TEX2: variants seen among roughly 807,000 people sequenced by gnomAD.
TEX2 encodes testis expressed 2, also known as testis-expressed protein 2.
A neutral mutation model predicts 106.9 loss-of-function variants in TEX2; 53 were observed. That is an observed-to-expected ratio of 0.50 (90% CI 0.40 to 0.62). The LOEUF is 0.62. Ranked by LOEUF, TEX2 falls within the 20% of genes least tolerant of loss-of-function variation. TEX2 has a pLI of 0.00. For missense variants in TEX2, 1,207 were observed against 1,379.0 expected, an observed-to-expected ratio of 0.88 and a Z score of 1.98; for synonymous variants, 523 against 534.8, an observed-to-expected ratio of 0.98 and a Z score of 0.30.
intron 10 of TEX2, among the ~76,000 whole-genome samples, chr17:64,151,624 T>A (rs2030360491): frequency 6.6e-6 from 1 of 152,210 alleles, no homozygotes; most frequent in Admixed American, 6.5e-5. Context: ...GGAAATACAG[T>A]AAAAATGTCA....
In TEX2 at chr17:64,234,454, G is replaced by A. The variant is rs1233070527; in HGVS notation, c.-25-20212C>T. Among the ~76,000 whole-genome samples the A allele has an allele frequency of 2.0e-5, 3 of 152,058 alleles. No individual in the cohort carries two copies. The East Asian group carries it at 5.8e-4, about 29-fold the overall frequency. On this transcript the variant is annotated intron_variant, in intron 1 of 11. Coordinates refer to ENST00000584379, the MANE Select transcript of TEX2 (RefSeq NM_001288732.2). ...AGAGCACTGTCTGCCAAAGCAAAAC[G>A]CCAAAACAGGAGCAGAACTTTCTGG...
chr17:64,240,757 G>A lies in TEX2; in HGVS notation c.-26+22411C>T, dbSNP rs79825674. ...AGAGTCAGTTGCCTGGTCGATGAAG[G>A]GGAAAGCAAGGCAAGAGTAACAATA... On this transcript the variant is annotated intron_variant, in intron 1 of 11. Transcript: ENST00000584379. Among the ~76,000 whole-genome samples, 95 of 152,262 alleles carry A rather than the reference G, an allele frequency of 6.2e-4. No individual in the cohort carries two copies. In the East Asian group the frequency reaches 0.016, roughly 26 times the overall value.
chr17:64,150,808 G>C lies in TEX2; in HGVS notation c.3261+33C>G. On this transcript the variant is annotated intron_variant, in intron 11 of 11. Coordinates refer to ENST00000584379, the MANE Select transcript of TEX2 (RefSeq NM_001288732.2). ...GGCTAAACCCAGAGCTTCTATACTT[G>C]GTGTGAAATACTAGATAACACTAGA... 1.9e-6 allele frequency: 3 copies of C among 1,590,712 alleles called. 1 individual carries two copies. The highest frequency in any genetic ancestry group is 2.3e-5 in the South Asian group (2 of 86,186).
intron 7 of TEX2, among the ~76,000 whole-genome samples, chr17:64,166,233 C>T (rs1426516241): frequency 1.3e-5 from 2 of 152,248 alleles, no homozygotes; most frequent in African/African-American, 2.4e-5. Context: ...CTACGTGCCA[C>T]GTGCTCCGAG....
chr17:64,239,904 A>AG (rs1555635553), intron 1 of TEX2, among the ~76,000 whole-genome samples: 2,885 of 118,796 alleles, frequency 0.024, 215 homozygotes, highest in Non-Finnish European at 0.035. Context: ...AAAAAAAAAA[A>AG]GCAGAGAAGA....
intron 8 of TEX2, chr17:64,155,575 T>TACAC (rs556162654): frequency 1.3e-5 from 2 of 151,514 alleles, no homozygotes; most frequent in African/African-American, 4.9e-5. Context: ...AACAACCACA[T>TACAC]ACACACACAC....
chr17:64,220,412 A>T (rs2033324137), intron 1 of TEX2, among the ~76,000 whole-genome samples: 1 of 152,240 alleles, frequency 6.6e-6, no homozygotes, highest in African/African-American at 2.4e-5. Context: ...CATCAGAGTG[A>T]ACAGGCAACC....
chr17:64,257,277 T>G (rs1555637868), intron 1 of TEX2, among the ~76,000 whole-genome samples: 1 of 152,220 alleles, frequency 6.6e-6, no homozygotes. Flanking sequence ...GATTCTTCTC[T>G]CAATAGTCCC....
chr17:64,198,743 A>G (rs2032559956), intron 2 of TEX2, among the ~76,000 whole-genome samples: 1 of 146,474 alleles, frequency 6.8e-6, no homozygotes, highest in Non-Finnish European at 1.5e-5. Context: ...CATTACTGCG[A>G]CAAATCACCA....
chr17:64,223,175 G>A (rs1188963200), intron 1 of TEX2, among the ~76,000 whole-genome samples: 1 of 152,010 alleles, frequency 6.6e-6, no homozygotes, highest in East Asian at 1.9e-4. Flanking sequence ...CAGAGTGAGC[G>A]TATCAAACAG....
intron 1 of TEX2, among the ~76,000 whole-genome samples, chr17:64,220,597 A>G (rs2033331093): frequency 6.6e-6 from 1 of 152,240 alleles, no homozygotes; most frequent in Admixed American, 6.5e-5. Context: ...AAAAATATGA[A>G]AAAAAGCTAA....
At chr17:64,170,094 T>A (rs1213523699) in intron 7 of TEX2, among the ~76,000 whole-genome samples, 1 of 152,236 alleles carries the variant, frequency 6.6e-6, no homozygotes, top group African/African-American at 2.4e-5. Flanking sequence ...TACATCATCA[T>A]CATCATCATG....
At chr17:64,212,463 A>G in intron 2 of TEX2, 111 bp downstream of exon 2, 6 of 1,035,660 alleles carry the variant, frequency 5.8e-6, no homozygotes, top group Admixed American at 2.3e-5. Flanking sequence ...GCTCTTAAAA[A>G]ACACGGCCTG....
intron 8 of TEX2, among the ~76,000 whole-genome samples, chr17:64,160,410 G>C (rs1053713470): frequency 6.6e-6 from 1 of 152,324 alleles, no homozygotes; most frequent in African/African-American, 2.4e-5. Flanking sequence ...TTCTGACTTT[G>C]TGATTAAAGC....
intron 1 of TEX2, among the ~76,000 whole-genome samples, chr17:64,237,211 CAAG>C (rs1555635222): frequency 6.6e-6 from 1 of 151,630 alleles, no homozygotes; most frequent in Non-Finnish European, 1.5e-5. Context: ...ATTCCAGAAA[CAAG>C]AAGGGTAAGA....
intron 6 of TEX2, among the ~76,000 whole-genome samples, chr17:64,174,766 A>T (rs1304991208): frequency 6.6e-6 from 1 of 152,230 alleles, no homozygotes; most frequent in Admixed American, 6.5e-5. Context: ...GCTCATAACC[A>T]CTGAGGGCCC....
chr17:64,212,533 G>T, intron 2 of TEX2, 41 bp downstream of exon 2: 2 of 1,514,672 alleles, frequency 1.3e-6, no homozygotes, highest in Non-Finnish European at 1.8e-6. Flanking sequence ...GGCTGTATGT[G>T]AGAAGTGTGT....
intron 1 of TEX2, among the ~76,000 whole-genome samples, chr17:64,237,890 C>A (rs561478111): frequency 3.9e-5 from 6 of 152,314 alleles, no homozygotes; most frequent in African/African-American, 1.2e-4. Flanking sequence ...AGGAGACTAA[C>A]AGTTCCTTAC....
At chr17:64,231,937 C>T (rs2033667408) in intron 1 of TEX2, among the ~76,000 whole-genome samples, 1 of 152,176 alleles carries the variant, frequency 6.6e-6, no homozygotes, top group Admixed American at 6.5e-5. Flanking sequence ...TTTATCCGTG[C>T]CGACTCAGCC....
Sources: gnomAD v4.1 joint callset for allele counts (sites outside exome capture counted in the v4.1 genomes callset) on GRCh38, gnomAD v4.1.1 for gene constraint, MANE v1.5 for transcripts, NCBI Gene and HGNC (gene_info 2026-07-23, HGNC 2026-07-21) for gene names.